Variants in AP2B1 observed in about 807,000 individuals in gnomAD.
AP2B1 encodes adaptor related protein complex 2 subunit beta 1.
A neutral mutation model predicts 102.0 loss-of-function variants in AP2B1; 23 were observed. The observed-to-expected ratio is 0.23, with a 90% CI of 0.16 to 0.32. The LOEUF (loss-of-function observed/expected upper bound fraction) is 0.32, where lower values mean the gene tolerates loss of function less well. Among genes scored for constraint, AP2B1 ranks in the 10% least tolerant of loss-of-function variants. The pLI, the probability that AP2B1 is intolerant of heterozygous loss-of-function variation, is 1.00. For missense variants in AP2B1, 541 were observed against 1,157.4 expected (o/e 0.47, Z 7.73); for synonymous variants, 381 against 421.2 (o/e 0.90, Z 1.17).
At chr17:35,641,711 T>G (rs2074786546) in intron 11 of AP2B1, among the ~76,000 whole-genome samples, 166 bp from the exon 12 acceptor site, 1 of 152,272 alleles carries the variant, frequency 6.6e-6, no homozygotes, top group Non-Finnish European at 1.5e-5. Flanking sequence ...ACGAATACTT[T>G]TGACTGCTGT....
At chr17:35,666,941 A>C (rs1196739781) in intron 14 of AP2B1, among the ~76,000 whole-genome samples, 8 of 152,256 alleles carry the variant, frequency 5.3e-5, no homozygotes, top group African/African-American at 1.9e-4. Flanking sequence ...GTTAGAGCCC[A>C]GCCTGAACAA....
chr17:35,660,376 G>A (rs2142896620), intron 14 of AP2B1, among the ~76,000 whole-genome samples: 1 of 152,152 alleles, frequency 6.6e-6, no homozygotes. Flanking sequence ...GCCACATTTT[G>A]CATAGTAAGG....
At chr17:35,590,281 T>C (rs188708373) in intron 1 of AP2B1, among the ~76,000 whole-genome samples, 78 of 152,300 alleles carry the variant, frequency 5.1e-4, no homozygotes, top group African/African-American at 1.8e-3. Flanking sequence ...GCTATGTCCA[T>C]ATCTAGCATG....
At chr17:35,632,140 G>C (rs2074480512) in intron 9 of AP2B1, among the ~76,000 whole-genome samples, 1 of 149,912 alleles carries the variant, frequency 6.7e-6, no homozygotes, top group Admixed American at 6.7e-5. Context: ...TTGTTTTTTG[G>C]GGGGTGGTGG....
intron 18 of AP2B1, among the ~76,000 whole-genome samples, chr17:35,705,088 T>C (rs766596595): frequency 4.0e-5 from 6 of 151,876 alleles, no homozygotes; most frequent in Admixed American, 6.6e-5. Flanking sequence ...TGACTTTCAG[T>C]GTTTGGGGAA....
chr17:35,669,831 A>G (rs6505487), intron 14 of AP2B1, among the ~76,000 whole-genome samples: 132,342 of 152,264 alleles, frequency 0.87, 57,908 homozygotes, highest in East Asian at 0.97. Flanking sequence ...TGTGCTTAGA[A>G]CAGACAAGGC....
At chr17:35,605,251 T>C (rs57164309) in intron 3 of AP2B1, among the ~76,000 whole-genome samples, 109,928 of 144,404 alleles carry the variant, frequency 0.76, 41,590 homozygotes, top group African/African-American at 0.9. Flanking sequence ...TTTTTTTTTT[T>C]CCTTTTTTTT....
chr17:35,658,551 AC>A lies in AP2B1; in HGVS notation c.1989+761del, dbSNP rs1475868976. Among the ~76,000 whole-genome samples the A allele has an allele frequency of 2.6e-5, 4 of 152,330 alleles. No homozygotes were observed. The East Asian group carries it at 7.7e-4, about 29-fold the overall frequency. On this transcript the variant is annotated intron_variant, in intron 14 of 21. Coordinates refer to ENST00000610402, the MANE Select transcript of AP2B1 (RefSeq NM_001030006.2). ...CTATGAAGAGAAGGCCAGAAAAATA[AC>A]AAGTCTATTACAAGACTGCCTACAT...
chr17:35,701,483 T>C (rs2076237667), intron 18 of AP2B1, among the ~76,000 whole-genome samples: 1 of 152,238 alleles, frequency 6.6e-6, no homozygotes, highest in Non-Finnish European at 1.5e-5. Context: ...GATAGTCTAC[T>C]TCATATTATA....
chr17:35,614,737 AT>A (rs2073966745), intron 5 of AP2B1, among the ~76,000 whole-genome samples: 1 of 151,784 alleles, frequency 6.6e-6, no homozygotes, highest in Non-Finnish European at 1.5e-5. Context: ...AATAGCCTCA[AT>A]TCAGGCCAAA....
At chr17:35,695,201 A>C (rs1031527574) in intron 18 of AP2B1, among the ~76,000 whole-genome samples, 3 of 152,210 alleles carry the variant, frequency 2.0e-5, no homozygotes, top group Non-Finnish European at 4.4e-5. Flanking sequence ...GGAGAGGATT[A>C]GGGGCCAGTA....
At position 35,720,545 on chromosome 17, in the gene AP2B1, T is replaced by TTATATATATA. The variant is rs1213888032; in HGVS notation, c.2782-3060_2782-3051dup. The stretch of plus-strand genomic sequence containing the variant: ...TTTGTCCCATATATTTTTATTTTAT[T>TTATATATATA]TATATATATATATATATATATATAT... On this transcript the variant is annotated intron_variant, in intron 21 of 21. Coordinates refer to ENST00000610402, the MANE Select transcript of AP2B1 (RefSeq NM_001030006.2). 1.7e-3 allele frequency among the ~76,000 whole-genome samples: 90 copies of TTATATATATA among 54,368 alleles called. 1 individual carries two copies. Among genetic ancestry groups the TTATATATATA allele is most frequent in the East Asian group, 5.5e-3 (12 of 2,188 alleles). 35.7% of individuals were successfully genotyped at this position (54,368 alleles called of 152,430 possible).
intron 1 of AP2B1, among the ~76,000 whole-genome samples, chr17:35,593,538 TGAAA>T (rs1272707888): frequency 6.6e-6 from 1 of 152,230 alleles, no homozygotes; most frequent in African/African-American, 2.4e-5. Context: ...TTTTTTTTTC[TGAAA>T]GAGATTCTTT....
At chr17:35,614,669 A>AAAAAG (rs2073963406) in intron 5 of AP2B1, among the ~76,000 whole-genome samples, 1 of 151,734 alleles carries the variant, frequency 6.6e-6, no homozygotes, top group Non-Finnish European at 1.5e-5. Flanking sequence ...AAAAAAAAAA[A>AAAAAG]AAAAAAAAAA....
Position 35,632,423 on chromosome 17 carries a change from C to T in AP2B1, c.1156-3918C>T, listed in dbSNP as rs1043978509. 2.6e-5 allele frequency among the ~76,000 whole-genome samples: 4 copies of T among 152,186 alleles called. 1 individual carries two copies. The South Asian group carries it at 8.3e-4, about 32-fold the overall frequency. On this transcript the variant is annotated intron_variant, in intron 9 of 21. Transcript: ENST00000610402. ...ATGCTAGGATTACAGGTGTAAGCCA[C>T]TGCACCCAGCCCTTGTTTTATAGTT...
intron 3 of AP2B1, among the ~76,000 whole-genome samples, chr17:35,599,006 G>T (rs928213951): frequency 6.6e-6 from 1 of 152,238 alleles, no homozygotes; most frequent in African/African-American, 2.4e-5. Context: ...AATGAAGGCA[G>T]TGGTGCCAAC....
chr17:35,672,666 T>C (rs2075613341), intron 16 of AP2B1, among the ~76,000 whole-genome samples: 1 of 152,214 alleles, frequency 6.6e-6, no homozygotes, highest in African/African-American at 2.4e-5. Flanking sequence ...ACCGAAGATA[T>C]TCAAAATTGA....
At chr17:35,624,311 G>A (rs540851503) in intron 5 of AP2B1, 86 bp from the exon 6 acceptor site, 1 of 1,258,042 alleles carries the variant, frequency 7.9e-7, no homozygotes, top group South Asian at 1.3e-5. Flanking sequence ...TGAGATCCGT[G>A]AAATGACCCA....
chr17:35,597,625 A>G (rs374226047), intron 2 of AP2B1, among the ~76,000 whole-genome samples: 1 of 152,342 alleles, frequency 6.6e-6, no homozygotes, highest in East Asian at 1.9e-4. Context: ...TCTTAAAGGT[A>G]TAAATATGAG....
Sources: allele counts gnomAD v4.1 joint callset (sites outside exome capture counted in the v4.1 genomes callset), GRCh38; gene constraint gnomAD v4.1.1; transcripts MANE v1.5; gene names NCBI Gene and HGNC (gene_info 2026-07-23, HGNC 2026-07-21).